FRAS1: variants seen among roughly 807,000 people sequenced by gnomAD.
The protein encoded by FRAS1 is Fraser extracellular matrix complex subunit 1, also known as extracellular matrix organizing protein FRAS1.
In FRAS1, 290 loss-of-function variants were observed where a neutral mutation model predicts 435.2. That is an observed-to-expected ratio of 0.67 (90% confidence interval 0.61 to 0.73). The LOEUF (loss-of-function observed/expected upper bound fraction) is 0.73, where lower values mean the gene tolerates loss of function less well. FRAS1 is among the 30% of genes least tolerant of loss of function. FRAS1 has a pLI of 0.00. For missense variants in FRAS1, 4,860 were observed against 5,001.5 expected, an observed-to-expected ratio of 0.97 and a Z score of 0.85; for synonymous variants, 1,800 against 1,851.0, an observed-to-expected ratio of 0.97 and a Z score of 0.71.
chr4:78,124,860 C>T (rs1424757201), intron 2 of FRAS1, among the ~76,000 whole-genome samples: 1 of 151,994 alleles, frequency 6.6e-6, no homozygotes, highest in South Asian at 2.1e-4. Context: ...TTTATATCAT[C>T]TATTTGATTC....
intron 18 of FRAS1, among the ~76,000 whole-genome samples, chr4:78,330,133 A>G (rs1046132998): frequency 3.3e-5 from 5 of 152,230 alleles, no homozygotes; most frequent in African/African-American, 7.2e-5. Flanking sequence ...TGAAGATTTC[A>G]TGGACATTTA....
chr4:78,084,468 A>G (rs982288153), intron 2 of FRAS1, among the ~76,000 whole-genome samples: 6 of 152,090 alleles, frequency 3.9e-5, no homozygotes, highest in African/African-American at 1.4e-4. Context: ...CTTGTAATAT[A>G]TCCCCTATGG....
chr4:78,300,298 TG>T (rs1263488785), intron 14 of FRAS1, among the ~76,000 whole-genome samples: 4 of 152,316 alleles, frequency 2.6e-5, no homozygotes, highest in Admixed American at 2.6e-4. Flanking sequence ...ATCCTGCATA[TG>T]GACAGTATTC....
At chr4:78,254,431 T>C (rs1415273564) in intron 5 of FRAS1, among the ~76,000 whole-genome samples, 2 of 152,162 alleles carry the variant, frequency 1.3e-5, no homozygotes, top group Admixed American at 1.3e-4. Flanking sequence ...TGCCCAAGAA[T>C]TGATGAAAGG....
At chr4:78,443,908 G>T (rs576003538) in intron 41 of FRAS1, among the ~76,000 whole-genome samples, 26 of 152,108 alleles carry the variant, frequency 1.7e-4, no homozygotes, top group Non-Finnish European at 3.5e-4. Context: ...GAGTGCAATG[G>T]CATAATCACT....
chr4:78,462,255 A>T (rs1042964777), intron 47 of FRAS1, among the ~76,000 whole-genome samples: 3 of 152,078 alleles, frequency 2.0e-5, no homozygotes, highest in Admixed American at 1.3e-4. Flanking sequence ...TGTGCCTGTA[A>T]TTCCAGCTAC....
intron 2 of FRAS1, among the ~76,000 whole-genome samples, chr4:78,075,005 G>A (rs769313283): frequency 3.9e-5 from 6 of 152,108 alleles, no homozygotes; most frequent in Non-Finnish European, 8.8e-5. Context: ...CAAGAACTCC[G>A]GTTTCGTATG....
chr4:78,421,877 C>G lies in FRAS1; in HGVS notation c.4555C>G (p.Arg1519Gly), dbSNP rs761970312. Residue 1519 changes from arginine (R) to glycine (G), a missense_variant, in exon 34 of 74, where the codon CGG becomes GGG. Physicochemically the swap from Arg to Gly is moderately radical, Grantham distance 125 (BLOSUM62 -2). Transcript: ENST00000512123. ...CTTCCTCCCAGGTATCATCGAGCAC[C>G]GGGACCACCCTCACTCTCCTATCCG... The part of the protein sequence containing the change: ...LHPNQGIIEH[R>G]DHPHSPIRYF... 3 of 1,613,796 alleles carry G rather than the reference C, an allele frequency of 1.9e-6. No homozygotes were observed. The highest frequency in any genetic ancestry group is 1.1e-5 in the South Asian group (1 of 91,070).
Position 78,382,675 on chromosome 4 carries a change from CAAT to C in FRAS1, c.3564-1381_3564-1379del, listed in dbSNP as rs1732066674. Among the ~76,000 whole-genome samples, 4 of 152,230 alleles carry C rather than the reference CAAT, an allele frequency of 2.6e-5. 1 individual carries two copies. The South Asian group carries it at 8.3e-4, about 32-fold the overall frequency. ...CGTTTATTGAGGTATAATTTGCATT[CAAT>C]AAAATCCTCCATTTTGAAGTGTGTT... is the stretch of plus-strand genomic sequence containing the variant. On this transcript the variant is annotated intron_variant, in intron 27 of 73. Transcript: ENST00000512123.
At chr4:78,082,958 C>T (rs1365530696) in intron 2 of FRAS1, among the ~76,000 whole-genome samples, 1 of 152,020 alleles carries the variant, frequency 6.6e-6, no homozygotes, top group African/African-American at 2.4e-5. Flanking sequence ...GTTAATATAC[C>T]AGAACATTAG....
In FRAS1 at chr4:78,092,066, C is replaced by T. The variant is rs146009068; in HGVS notation, c.108+26050C>T. On this transcript the variant is annotated intron_variant, in intron 2 of 73. Transcript: ENST00000512123. Reference sequence around the variant, plus strand: ...GTGGGTGGCTTGGAGGTAAGACCTTCCCTGGCTGGTGGTTCTGGAGCTATA... The same window carrying T: ...GTGGGTGGCTTGGAGGTAAGACCTTTCCTGGCTGGTGGTTCTGGAGCTATA... 4.0e-5 allele frequency among the ~76,000 whole-genome samples: 6 copies of T among 151,324 alleles called. No individual in the cohort carries two copies. The East Asian group carries it at 1.2e-3, about 29-fold the overall frequency.
chr4:78,333,157 C>G, intron 18 of FRAS1, 115 bp from the exon 19 acceptor site: 1 of 1,209,030 alleles, frequency 8.3e-7, no homozygotes, highest in South Asian at 2.0e-5. Context: ...TTGGGAAAAC[C>G]AAGTGAATGT....
chr4:78,436,138 A>G (rs1303533183), intron 38 of FRAS1, among the ~76,000 whole-genome samples: 1 of 152,218 alleles, frequency 6.6e-6, no homozygotes, highest in Non-Finnish European at 1.5e-5. Flanking sequence ...ACCAAAAATA[A>G]CAAAGAAAAT....
intron 14 of FRAS1, among the ~76,000 whole-genome samples, chr4:78,297,709 C>A (rs78891286): frequency 2.0e-5 from 3 of 152,242 alleles, no homozygotes; most frequent in Non-Finnish European, 4.4e-5. Context: ...CCTCTTTTAA[C>A]ATTTATTGCC....
intron 25 of FRAS1, among the ~76,000 whole-genome samples, chr4:78,375,005 C>T (rs1731697973): frequency 6.6e-6 from 1 of 152,062 alleles, no homozygotes; most frequent in Admixed American, 6.5e-5. Context: ...ATGTTAAGCC[C>T]AGGTTTTCTG....
chr4:78,084,007 C>T (rs1168917390), intron 2 of FRAS1, among the ~76,000 whole-genome samples: 1 of 152,028 alleles, frequency 6.6e-6, no homozygotes, highest in African/African-American at 2.4e-5. Context: ...TTCTCCCTCA[C>T]TCCACTTTTA....
intron 31 of FRAS1, among the ~76,000 whole-genome samples, chr4:78,409,720 T>C (rs1055312916): frequency 5.9e-5 from 9 of 152,172 alleles, no homozygotes; most frequent in Non-Finnish European, 7.3e-5. Context: ...TTTGGTAAAG[T>C]GTCAGAGAAA....
intron 29 of FRAS1, among the ~76,000 whole-genome samples, chr4:78,389,389 C>T (rs10155231): frequency 0.14 from 21,245 of 152,160 alleles, 1,871 homozygotes; most frequent in African/African-American, 0.25. Flanking sequence ...GCGATTGATC[C>T]GATTGAGCCT....
intron 2 of FRAS1, among the ~76,000 whole-genome samples, chr4:78,179,783 G>A (rs1004618526): frequency 3.3e-5 from 5 of 152,150 alleles, no homozygotes; most frequent in Non-Finnish European, 7.3e-5. Context: ...GAATATGACT[G>A]TCCCACTGAC....
Sources: gnomAD v4.1 joint callset for allele counts (sites outside exome capture counted in the v4.1 genomes callset) on GRCh38, gnomAD v4.1.1 for gene constraint, MANE v1.5 for transcripts, NCBI Gene and HGNC (gene_info 2026-07-23, HGNC 2026-07-21) for gene names.